The following MIB2 variants were observed in gnomAD, a reference collection of about 807,000 sequenced individuals.
The protein encoded by MIB2 is MIB E3 ubiquitin protein ligase 2.
MIB2 carries 78 observed loss-of-function variants against 96.6 expected under a neutral mutation model. The observed-to-expected ratio is 0.81, with a 90% CI of 0.67 to 0.97. MIB2 has a LOEUF of 0.97. Among genes scored for constraint, MIB2 ranks in the 50% least tolerant of loss-of-function variants. MIB2 has a pLI of 0.00. For missense variants in MIB2, 1,543 were observed against 1,424.0 expected, an observed-to-expected ratio of 1.08 and a Z score of -1.35; for synonymous variants, 820 against 629.5, an observed-to-expected ratio of 1.30 and a Z score of -4.53.
intron 2 of MIB2, among the ~76,000 whole-genome samples, chr1:1,620,940 G>T (rs1427566323): frequency 1.3e-5 from 2 of 152,382 alleles, no homozygotes; most frequent in African/African-American, 4.8e-5. Context: ...GAGCTGGGCT[G>T]GCCGGTGGAA....
Position 1,616,579 on chromosome 1 carries a change from CA to C in MIB2, c.-56del. ...CATCAGGGCTGCAGCCCAGGAGCCT[CA>C]AGGCGGCCCGGCGGGCGACTGGACG... On this transcript the variant is annotated 5_prime_UTR_variant, in exon 2 of 20. Coordinates refer to ENST00000355826, the MANE Select transcript of MIB2 (RefSeq NM_001170687.4). 6.2e-7 allele frequency: 1 copy of C among 1,603,206 alleles called. No homozygotes were observed. Among genetic ancestry groups the C allele is most frequent in the Non-Finnish European group, 8.5e-7 (1 of 1,175,246 alleles).
intron 4 of MIB2, 85 bp from the exon 5 acceptor site, chr1:1,624,710 C>A (rs1644572582): frequency 1.6e-6 from 2 of 1,283,512 alleles, no homozygotes; most frequent in East Asian, 5.0e-5. Flanking sequence ...GGGGCCTGCT[C>A]CACTGCATCG....
At chr1:1,616,709 C>T in intron 2 of MIB2, 95 bp downstream of exon 2, 3 of 994,892 alleles carry the variant, frequency 3.0e-6, no homozygotes, top group Admixed American at 2.6e-5. Context: ...GTGTTTGTGT[C>T]TGAGCATGCA....
At chr1:1,628,914 G>T (rs1278436007) in intron 16 of MIB2, 192 bp downstream of exon 16, 2 of 720,832 alleles carry the variant, frequency 2.8e-6, no homozygotes, top group East Asian at 5.7e-5. Flanking sequence ...CCTGGGAAAG[G>T]GGTGGTGCCC....
chr1:1,622,294 C>T (rs960965493), intron 2 of MIB2, among the ~76,000 whole-genome samples: 1 of 152,246 alleles, frequency 6.6e-6, no homozygotes, highest in African/African-American at 2.4e-5. Context: ...TGTAGTGGTG[C>T]GATCACAGCC....
Position 1,628,491 on chromosome 1 carries a change from C to A in MIB2, c.1971C>A (p.Gly657=). ...REVAQILIRE[G]RCDVNVRNRK... is the part of the protein sequence containing the mutation. ...AGCCCGTCCCCACCCCTCCCCAGGG[C>A]CGCTGTGACGTGAACGTGCGCAACC... The change falls in exon 16 of 20, where the codon GGC becomes GGA. Residue 657 remains glycine (G), a splice_region_variant and synonymous_variant. Coordinates refer to ENST00000355826, the MANE Select transcript of MIB2 (RefSeq NM_001170687.4). 1 of 1,597,400 alleles carries A rather than the reference C, an allele frequency of 6.3e-7. No individual in the cohort carries two copies. The highest frequency in any genetic ancestry group is 8.5e-7 in the Non-Finnish European group (1 of 1,175,996).
chr1:1,624,015 G>A (rs190702344), intron 4 of MIB2, 70 bp downstream of exon 4: 4 of 1,510,864 alleles, frequency 2.6e-6, no homozygotes, highest in African/African-American at 1.4e-5. Flanking sequence ...CTTGGCCTTC[G>A]GGGAGGGTGC....
rs755649143 is a variant in MIB2 at position 1,624,927 on chromosome 1, C to G, written c.526+26C>G. ...GTGAGTGGAGGCAGAGGGGCGGGGT[C>G]AGGGCTGGGCTGTGGCTGGCTCATG... On this transcript the variant is annotated intron_variant, in intron 5 of 19. Transcript: ENST00000355826. The G allele has an allele frequency of 2.5e-6, 4 of 1,608,444 alleles. No homozygotes were observed. The South Asian group carries it at 3.3e-5, about 13-fold the overall frequency.
rs1213417229 is a variant in MIB2, at chr1:1,627,810, G to T, written c.1661G>T (p.Gly554Val). 2 of 1,599,348 alleles carry T rather than the reference G, an allele frequency of 1.3e-6. No individual in the cohort carries two copies. Among genetic ancestry groups the T allele is most frequent in the Non-Finnish European group, 1.7e-6 (2 of 1,179,516 alleles). Residue 554 changes from glycine (G) to valine (V), a missense_variant, in exon 13 of 20, where the codon GGC becomes GTC. By Grantham distance (109) the Gly-to-Val change is moderately radical. Coordinates refer to ENST00000355826, the MANE Select transcript of MIB2 (RefSeq NM_001170687.4). The part of the protein sequence containing the change: ...LEVVRALCER[G>V]CDVNLPDAHS... ...GTGGTGCGGGCCCTGTGTGAGCGCG[G>T]CTGTGACGTCAACCTGCCCGTGAGT... is the stretch of plus-strand genomic sequence containing the variant.
intron 1 of MIB2, chr1:1,615,923 G>A: frequency 1.0e-6 from 1 of 995,230 alleles, no homozygotes; most frequent in East Asian, 1.1e-4. Context: ...CGTCGTCCGG[G>A]CCGGGTGGGC....
rs1217193699 is a variant in MIB2, at chr1:1,623,283, G to A, written c.-22-148G>A. 2.2e-6 allele frequency: 3 copies of A among 1,350,984 alleles called. No homozygotes were observed. The African/African-American group carries it at 4.6e-5, about 21-fold the overall frequency. 83.7% of individuals were successfully genotyped at this position (1,350,984 alleles called of 1,614,324 possible). A position where few individuals can be genotyped will look rare whatever the true frequency, so the allele number is the denominator to read the frequency against. ...AGACTGCGGGCCTCCTTGGGCCCTA[G>A]GGCTTGAACCAGCCTGCCTGCCCCG... On this transcript the variant is annotated intron_variant, in intron 2 of 19. Coordinates refer to ENST00000355826, the MANE Select transcript of MIB2 (RefSeq NM_001170687.4).
Position 1,627,790 on chromosome 1 carries a change from G to A in MIB2, c.1641G>A (p.Val547=). 1 of 1,598,856 alleles carries A rather than the reference G, an allele frequency of 6.3e-7. No homozygotes were observed. Among genetic ancestry groups the A allele is most frequent in the Non-Finnish European group, 8.5e-7 (1 of 1,179,454 alleles). Residue 547 remains valine (V), a synonymous_variant, in exon 13 of 20, where the codon GTG becomes GTA. Transcript: ENST00000355826. ...VAVQRGFLEV[V]RALCERGCDV... ...TGCAGAGGGGCTTCCTGGAGGTGGT[G>A]CGGGCCCTGTGTGAGCGCGGCTGTG...
intron 1 of MIB2, chr1:1,616,225 C>A: frequency 1.9e-6 from 1 of 538,458 alleles, no homozygotes; most frequent in Non-Finnish European, 2.4e-6. Context: ...CCGCCCCTGG[C>A]CCGCCCGTTC....
At chr1:1,616,039 G>T in intron 1 of MIB2, 11 of 984,378 alleles carry the variant, frequency 1.1e-5, no homozygotes, top group Non-Finnish European at 1.3e-5. Flanking sequence ...ACTGGCCGGC[G>T]GTCCCGCGCC....
chr1:1,613,792 C>G (rs1309829317), upstream of MIB2: 1 of 152,118 alleles, frequency 6.6e-6, no homozygotes, highest in African/African-American at 2.4e-5. Context: ...TTTTCGTTTA[C>G]ACAGGGAATC....
In MIB2 at chr1:1,627,767, C is replaced by G; in HGVS notation, c.1618C>G (p.Gln540Glu). The change falls in exon 13 of 20, where the codon CAG becomes GAG. Residue 540 changes from glutamine (Q) to glutamate (E), a missense_variant. By Grantham distance (29) the Gln-to-Glu change is conservative (BLOSUM62 2). Coordinates refer to ENST00000355826, the MANE Select transcript of MIB2 (RefSeq NM_001170687.4). ...GAGCACAGCACTGCACGTGGCCGTG[C>G]AGAGGGGCTTCCTGGAGGTGGTGCG... ...TQSTALHVAV[Q>E]RGFLEVVRAL... 6.3e-7 allele frequency: 1 copy of G among 1,598,012 alleles called. No homozygotes were observed. Among genetic ancestry groups the G allele is most frequent in the South Asian group, 1.1e-5 (1 of 90,842 alleles).
rs763626936 is a variant in MIB2, at chr1:1,627,194, G to A, written c.1361G>A (p.Arg454Lys). Residue 454 changes from arginine (R) to lysine (K), a missense_variant, in exon 11 of 20, where the codon AGG becomes AAG. Transcript: ENST00000355826. ...GCCCGGGCTCTGGACCTGCTGCGGAGGCGCCCAGAGCAGGCAAGCTCCTGA... is the reference window on the plus strand; with the variant it reads ...GCCCGGGCTCTGGACCTGCTGCGGAAGCGCCCAGAGCAGGCAAGCTCCTGA... ...NAARALDLLR[R>K]RPEQVDTKNQ... is the part of the protein sequence containing the mutation. The A allele has an allele frequency of 1.2e-6, 2 of 1,600,354 alleles. No homozygotes were observed. Among genetic ancestry groups the A allele is most frequent in the South Asian group, 2.2e-5 (2 of 89,798 alleles).
chr1:1,618,020 A>G (rs1643905746), intron 2 of MIB2: 1 of 152,436 alleles, frequency 6.6e-6, no homozygotes, highest in African/African-American at 2.4e-5. Flanking sequence ...GGCCACAGCC[A>G]TGTACGCCAC....
At chr1:1,622,851 T>C (rs946657037) in intron 2 of MIB2, among the ~76,000 whole-genome samples, 1 of 152,210 alleles carries the variant, frequency 6.6e-6, no homozygotes, top group Admixed American at 6.5e-5. Flanking sequence ...GACAGATGCC[T>C]CCTGGTCCCG....
Sources: allele counts gnomAD v4.1 joint callset (sites outside exome capture counted in the v4.1 genomes callset), GRCh38; gene constraint gnomAD v4.1.1; transcripts MANE v1.5; gene names NCBI Gene and HGNC (gene_info 2026-07-23, HGNC 2026-07-21).